Variants in CENPP observed in about 807,000 individuals in gnomAD.
CENPP encodes the protein centromere protein P.
Under a neutral mutation model 35.6 loss-of-function variants are expected in CENPP, and 24 were observed. The ratio of observed to expected loss-of-function variants is 0.67; its 90% confidence interval spans 0.49 to 0.95. CENPP has a LOEUF of 0.95. CENPP is among the 40% of genes least tolerant of loss of function. The probability of loss-of-function intolerance (pLI) is 0.00; values close to 1 mark genes in which losing one functional copy is unlikely to be tolerated. For synonymous variants in CENPP, 120 were observed against 125.5 expected (o/e 0.96, Z 0.29); for missense variants, 332 against 345.3 (o/e 0.96, Z 0.31).
At chr9:92,343,921 C>T (rs905598518) in intron 3 of CENPP, among the ~76,000 whole-genome samples, 2 of 138,382 alleles carry the variant, frequency 1.4e-5, no homozygotes, top group Non-Finnish European at 3.0e-5. Context: ...TGTGATTGAA[C>T]GACTGCATTC....
At chr9:92,459,543 A>T (rs931580144) in intron 5 of CENPP, 6 of 1,277,138 alleles carry the variant, frequency 4.7e-6, no homozygotes, top group Middle Eastern at 5.5e-4. Flanking sequence ...CTTGCTGCTT[A>T]CTTGGTCTTT....
chr9:92,495,181 GA>G (rs1163413705), intron 5 of CENPP: 33 of 264,730 alleles, frequency 1.2e-4, no homozygotes, highest in African/African-American at 7.6e-4. Flanking sequence ...AAAAATTAGA[GA>G]AACCTATGCA....
At chr9:92,393,181 A>T in intron 5 of CENPP, 2 of 1,613,884 alleles carry the variant, frequency 1.2e-6, no homozygotes, top group Non-Finnish European at 1.7e-6. Flanking sequence ...TACAGCATCA[A>T]TGTCAACTTC....
intron 5 of CENPP, among the ~76,000 whole-genome samples, chr9:92,383,094 A>C (rs1195128321): frequency 6.6e-6 from 1 of 151,688 alleles, no homozygotes; most frequent in Non-Finnish European, 1.5e-5. Context: ...GACAGAGTTT[A>C]ACCATGTTGG....
chr9:92,384,536 G>T (rs1435349664), intron 5 of CENPP: 6 of 152,104 alleles, frequency 3.9e-5, no homozygotes, highest in African/African-American at 1.4e-4. Context: ...ACTTTACTCT[G>T]GCACCACTGA....
At chr9:92,442,084 A>G (rs77067484) in intron 5 of CENPP, among the ~76,000 whole-genome samples, 2,255 of 152,146 alleles carry the variant, frequency 0.015, 53 homozygotes, top group African/African-American at 0.051. Flanking sequence ...ATAAAACATT[A>G]TAAGTTAAAA....
At chr9:92,462,235 C>A (rs1392806126) in intron 5 of CENPP, among the ~76,000 whole-genome samples, 1 of 152,212 alleles carries the variant, frequency 6.6e-6, no homozygotes, top group Non-Finnish European at 1.5e-5. Flanking sequence ...ACCTTGGCCT[C>A]CCAAAATGCT....
chr9:92,457,741 G>C (rs911591044), intron 5 of CENPP, among the ~76,000 whole-genome samples: 7 of 141,466 alleles, frequency 4.9e-5, no homozygotes, highest in African/African-American at 2.1e-4. Context: ...TGGTCACATG[G>C]GTCGCTGTCT....
At chr9:92,568,018 G>A (rs531716029) in intron 5 of CENPP, among the ~76,000 whole-genome samples, 17 of 152,148 alleles carry the variant, frequency 1.1e-4, no homozygotes, top group African/African-American at 3.6e-4. Flanking sequence ...TACTTTAAAT[G>A]TAACTAGATT....
chr9:92,366,387 A>G (rs1158458859), intron 4 of CENPP, among the ~76,000 whole-genome samples: 1 of 152,178 alleles, frequency 6.6e-6, no homozygotes, highest in East Asian at 1.9e-4. Flanking sequence ...CTTCTCAGTG[A>G]AACCAGATAT....
At chr9:92,577,443 T>A (rs1351293762) in intron 5 of CENPP, among the ~76,000 whole-genome samples, 4 of 152,132 alleles carry the variant, frequency 2.6e-5, no homozygotes, top group Non-Finnish European at 5.9e-5. Context: ...TGAAATACCA[T>A]TTAGAATTGA....
intron 5 of CENPP, among the ~76,000 whole-genome samples, chr9:92,399,765 C>T (rs1588099295): frequency 6.6e-6 from 1 of 152,220 alleles, no homozygotes; most frequent in East Asian, 1.9e-4. Flanking sequence ...ACCATTTTTG[C>T]TTCAGTGATT....
intron 4 of CENPP, among the ~76,000 whole-genome samples, chr9:92,348,581 G>A (rs1011564878): frequency 1.3e-5 from 2 of 151,482 alleles, no homozygotes; most frequent in Admixed American, 6.6e-5. Context: ...TAGTAGAGAC[G>A]GGGTTTCACC....
chr9:92,535,929 T>C (rs759968158), intron 5 of CENPP: 1 of 470,952 alleles, frequency 2.1e-6, no homozygotes, highest in Non-Finnish European at 4.0e-6. Context: ...TAAAACTTTT[T>C]TACCTGGAGA....
At chr9:92,328,923 T>C (rs771491300) in intron 1 of CENPP, among the ~76,000 whole-genome samples, 6 of 152,228 alleles carry the variant, frequency 3.9e-5, no homozygotes, top group Non-Finnish European at 8.8e-5. Flanking sequence ...CACATGCACA[T>C]TGTTGTACAG....
At chr9:92,610,314 A>G (rs139481552) in intron 5 of CENPP, among the ~76,000 whole-genome samples, 62 of 152,234 alleles carry the variant, frequency 4.1e-4, no homozygotes, top group African/African-American at 1.4e-3. Context: ...TCGGCCTCCT[A>G]AAGTGCTGGG....
intron 5 of CENPP, chr9:92,389,564 G>A (rs1842581814): frequency 4.5e-6 from 1 of 221,436 alleles, no homozygotes; most frequent in East Asian, 1.0e-4. Context: ...GTCATGAGAG[G>A]GCCAACCATG....
chr9:92,601,052 G>A (rs1370316698), intron 5 of CENPP, among the ~76,000 whole-genome samples: 2 of 152,150 alleles, frequency 1.3e-5, no homozygotes, highest in South Asian at 2.1e-4. Context: ...CGTGTGTGTC[G>A]CTAGGTCTGT....
intron 5 of CENPP, among the ~76,000 whole-genome samples, chr9:92,509,710 T>C (rs1847220582): frequency 6.6e-6 from 1 of 152,210 alleles, no homozygotes; most frequent in Non-Finnish European, 1.5e-5. Flanking sequence ...ACAAAGACAA[T>C]AGGCAGTTTA....
Sources: allele counts gnomAD v4.1 joint callset (sites outside exome capture counted in the v4.1 genomes callset), GRCh38; gene constraint gnomAD v4.1.1; transcripts MANE v1.5; gene names NCBI Gene and HGNC (gene_info 2026-07-23, HGNC 2026-07-21).